Variants in FAM204A observed in about 807,000 individuals in gnomAD.
FAM204A encodes the protein protein FAM204A.
FAM204A carries 16 observed loss-of-function variants against 35.4 expected under a neutral mutation model. That is an observed-to-expected ratio of 0.45 (90% CI 0.31 to 0.69). The LOEUF (loss-of-function observed/expected upper bound fraction) is 0.69. FAM204A is among the 30% of genes least tolerant of loss of function. The pLI is 0.07. For missense variants in FAM204A, 240 were observed against 265.7 expected, an observed-to-expected ratio of 0.90 and a Z score of 0.67; for synonymous variants, 76 against 86.9, an observed-to-expected ratio of 0.88 and a Z score of 0.70.
At chr10:118,335,316 GT>G in intron 5 of FAM204A, 79 bp downstream of exon 5, 1 of 1,553,484 alleles carries the variant, frequency 6.4e-7, no homozygotes. Context: ...TAGTTCATAT[GT>G]TTGATTACTA....
chr10:118,322,402 C>T (rs1846132305), intron 7 of FAM204A: 1 of 455,586 alleles, frequency 2.2e-6, no homozygotes, highest in Non-Finnish European at 4.4e-6. Context: ...ACATTACTCC[C>T]ATGATTTTCC....
chr10:118,335,441 C>T lies in FAM204A; in HGVS notation c.323-15G>A. On this transcript the variant is annotated splice_polypyrimidine_tract_variant and intron_variant, in intron 4 of 8. Transcript: ENST00000369183. ...CTTCAATTTATCTGAAAAGAATTCA[C>T]AAAGTGTCAATACCTAACTTCAGTA... 1 of 1,597,320 alleles carries T rather than the reference C, an allele frequency of 6.3e-7. No homozygotes were observed.
chr10:118,335,975 T>C lies in FAM204A; in HGVS notation c.234+207A>G, dbSNP rs959712935. 668 of 572,426 alleles carry C rather than the reference T, an allele frequency of 1.2e-3. 1 individual carries two copies. The highest frequency in any genetic ancestry group is 2.4e-3 in the Middle Eastern group (5 of 2,106). The allele number at this position is 572,426 out of a possible 1,614,324, so 35.5% of individuals were successfully genotyped here. ...CATAGTGGTTTGGGTTTTTTTTTTT[T>C]CCCCCTCCGTCTTTCTATGAAAAAC... On this transcript the variant is annotated intron_variant, in intron 3 of 8. Transcript: ENST00000369183.
Position 118,304,355 on chromosome 10 carries a change from C to T in FAM204A, c.*6502G>A, listed in dbSNP as rs1486628137. ...TGTCTAACTCTATATTACTAAACTA[C>T]TAATATAACATTACTCTTTAAAAGC... On this transcript the variant is annotated 3_prime_UTR_variant, in exon 9 of 9. Coordinates refer to ENST00000369183, the MANE Select transcript of FAM204A (RefSeq NM_022063.3). 6.6e-6 allele frequency: 1 copy of T among 152,160 alleles called. No homozygotes were observed. Among genetic ancestry groups the T allele is most frequent in the African/African-American group, 2.4e-5 (1 of 41,428 alleles). 9.4% of individuals were successfully genotyped at this position (152,160 alleles called of 1,614,324 possible).
chr10:118,305,289 C>T lies in FAM204A; in HGVS notation c.*5568G>A, dbSNP rs1489830610. 1.1e-4 allele frequency: 16 copies of T among 152,124 alleles called. No individual in the cohort carries two copies. The highest frequency in any genetic ancestry group is 9.8e-4 in the Admixed American group (15 of 15,274). The allele number at this position is 152,124 out of a possible 1,614,324, so 9.4% of individuals were successfully genotyped here. On this transcript the variant is annotated 3_prime_UTR_variant, in exon 9 of 9. Transcript: ENST00000369183. ...TATTTGTAGTAGTAGGAAGCATTAC[C>T]CTAACATGGGAAGGTACTGTGGCCC...
rs1845869247 is a variant in FAM204A at position 118,306,655 on chromosome 10, A to T, written c.*4202T>A. On this transcript the variant is annotated 3_prime_UTR_variant, in exon 9 of 9. Transcript: ENST00000369183. ...TCTGAAGCATCTCTGTATTTGAAGA[A>T]ATTCCGGAAAGGGAACAGACACCTC... 6.6e-6 allele frequency: 1 copy of T among 152,250 alleles called. No homozygotes were observed. The highest frequency in any genetic ancestry group is 6.5e-5 in the Admixed American group (1 of 15,286). The allele number at this position is 152,250 out of a possible 1,614,324, so 9.4% of individuals were successfully genotyped here.
In FAM204A at chr10:118,310,319, CAA is replaced by C. The variant is rs759008555; in HGVS notation, c.*536_*537del. 1.9e-4 allele frequency: 21 copies of C among 113,504 alleles called. No individual in the cohort carries two copies. The highest frequency in any genetic ancestry group is 2.4e-4 in the East Asian group (1 of 4,094). The allele number at this position is 113,504 out of a possible 1,614,324, so 7.0% of individuals were successfully genotyped here. A position where few individuals can be genotyped will look rare whatever the true frequency, so the allele number is the denominator to read the frequency against. ...CAAAACTCTGTCTCTACTAAAAATA[CAA>C]AAAAAAAAAAAAAATTAGCCGGGTG... On this transcript the variant is annotated 3_prime_UTR_variant, in exon 9 of 9. Transcript: ENST00000369183.
chr10:118,335,265 T>G (rs1846362464), intron 5 of FAM204A, 52 bp from the exon 6 acceptor site: 1 of 1,565,896 alleles, frequency 6.4e-7, no homozygotes, highest in East Asian at 2.3e-5. Flanking sequence ...GTCTTTACTT[T>G]TACTGTTTTT....
In FAM204A at chr10:118,338,135, T is replaced by C. The variant is rs910303417; in HGVS notation, c.-8-1712A>G. ...GTCCTTCCAAAGCACTGTACCTAGT[T>C]TTCTATTCAGAATTTACATTTCTTT... On this transcript the variant is annotated intron_variant, in intron 2 of 8. Transcript: ENST00000369183. Among the ~76,000 whole-genome samples the C allele has an allele frequency of 1.2e-4, 18 of 152,186 alleles. 1 individual carries two copies. Among genetic ancestry groups the C allele is most frequent in the African/African-American group, 4.3e-4 (18 of 41,430 alleles).
intron 7 of FAM204A, among the ~76,000 whole-genome samples, chr10:118,323,309 G>C (rs1361801944): frequency 2.6e-5 from 4 of 152,088 alleles, no homozygotes; most frequent in Middle Eastern, 3.4e-3. Context: ...GCTTTACTCG[G>C]AACTATCTCA....
rs755633070 is a variant in FAM204A, at chr10:118,303,277, A to AAC, written c.*7578_*7579dup. On this transcript the variant is annotated 3_prime_UTR_variant, in exon 9 of 9. Coordinates refer to ENST00000369183, the MANE Select transcript of FAM204A (RefSeq NM_022063.3). ...CTGCTAGACATTTATACATATGTAG[A>AAC]ACCAAGATGTCCCTCCAAGGCAAGG... 4 of 152,260 alleles carry AAC rather than the reference A, an allele frequency of 2.6e-5. No individual in the cohort carries two copies. The highest frequency in any genetic ancestry group is 5.9e-5 in the Non-Finnish European group (4 of 68,046). 9.4% of individuals were successfully genotyped at this position (152,260 alleles called of 1,614,324 possible).
At position 118,335,200 on chromosome 10, in the gene FAM204A, T is replaced by C. The variant is rs750001643; in HGVS notation, c.367A>G (p.Asn123Asp). The C allele has an allele frequency of 6.2e-7, 1 of 1,613,218 alleles. No individual in the cohort carries two copies. The highest frequency in any genetic ancestry group is 1.1e-5 in the South Asian group (1 of 90,934). The part of the protein sequence containing the change: ...EKELHSEPSS[N>D]ETQWKELTQY... ...GTAAGCTCTTTCCACTGGGTTTCATTTGAGGACGGTTCACTAAAAGAAGAT... is the reference window on the plus strand; with the variant it reads ...GTAAGCTCTTTCCACTGGGTTTCATCTGAGGACGGTTCACTAAAAGAAGAT... The change falls in exon 6 of 9, where the codon AAT (asparagine) becomes GAT (aspartate). Residue 123 changes from asparagine to aspartate, a missense_variant. Transcript: ENST00000369183.
intron 7 of FAM204A, among the ~76,000 whole-genome samples, chr10:118,312,649 G>T (rs575268413): frequency 6.6e-6 from 1 of 152,300 alleles, no homozygotes; most frequent in East Asian, 1.9e-4. Flanking sequence ...TTGAACTACG[G>T]TGCCGAATTG....
At chr10:118,315,374 T>G (rs1284247436) in intron 7 of FAM204A, among the ~76,000 whole-genome samples, 1 of 152,192 alleles carries the variant, frequency 6.6e-6, no homozygotes, top group African/African-American at 2.4e-5. Flanking sequence ...AAATTTCTTA[T>G]CCGTTTCAGA....
In FAM204A at chr10:118,299,356, G is replaced by A. The variant is rs183182358; in HGVS notation, c.*11501C>T. ...CAAGCTAGGTACTTGACATGATTTG[G>A]TTTTGGAAAACCTCCTCCTTTCTGC... On this transcript the variant is annotated 3_prime_UTR_variant, in exon 9 of 9. Transcript: ENST00000369183. 2.7e-4 allele frequency: 37 copies of A among 139,106 alleles called. No individual in the cohort carries two copies. In the East Asian group the frequency reaches 7.5e-3, roughly 28 times the overall value. The allele number at this position is 139,106 out of a possible 1,614,324, so 8.6% of individuals were successfully genotyped here. A position where few individuals can be genotyped will look rare whatever the true frequency, so the allele number is the denominator to read the frequency against.
chr10:118,334,091 C>G (rs1846340292), intron 6 of FAM204A, among the ~76,000 whole-genome samples: 1 of 152,170 alleles, frequency 6.6e-6, no homozygotes, highest in South Asian at 2.1e-4. Flanking sequence ...GTTACTAATT[C>G]ACACAAGCGT....
chr10:118,318,010 C>T (rs1846057444), intron 7 of FAM204A, among the ~76,000 whole-genome samples: 2 of 152,034 alleles, frequency 1.3e-5, no homozygotes, highest in African/African-American at 4.8e-5. Context: ...CTGATCAACA[C>T]AAGCCTATTT....
chr10:118,303,125 T>TA lies in FAM204A; in HGVS notation c.*7731dup, dbSNP rs1845825949. On this transcript the variant is annotated 3_prime_UTR_variant, in exon 9 of 9. Transcript: ENST00000369183. Reference sequence around the variant, plus strand: ...TAGATGAATGGCTGTAGAGTTCTCTTAAACTTCCCAGCACCTTGATTTCCT... The same window carrying TA: ...TAGATGAATGGCTGTAGAGTTCTCTTAAAACTTCCCAGCACCTTGATTTCCT... The TA allele has an allele frequency of 1.3e-5, 2 of 152,220 alleles. No individual in the cohort carries two copies. Among genetic ancestry groups the TA allele is most frequent in the Non-Finnish European group, 2.9e-5 (2 of 68,056 alleles). The allele number at this position is 152,220 out of a possible 1,614,324, so 9.4% of individuals were successfully genotyped here.
intron 8 of FAM204A, 142 bp downstream of exon 8, chr10:118,311,065 A>G (rs1160955051): frequency 9.8e-7 from 1 of 1,021,838 alleles, no homozygotes; most frequent in Non-Finnish European, 1.5e-6. Context: ...AAATGCCTCT[A>G]TATTTATAAT....
Sources: allele counts gnomAD v4.1 joint callset (sites outside exome capture counted in the v4.1 genomes callset), GRCh38; gene constraint gnomAD v4.1.1; transcripts MANE v1.5; gene names NCBI Gene and HGNC (gene_info 2026-07-23, HGNC 2026-07-21).